The following WDR37 variants were observed in gnomAD, a reference collection of about 807,000 sequenced individuals.
The protein encoded by WDR37 is WD repeat-containing protein 37.
Under a neutral mutation model 62.9 loss-of-function variants are expected in WDR37, and 19 were observed. The ratio of observed to expected loss-of-function variants is 0.30; its 90% CI spans 0.21 to 0.44. The LOEUF is 0.44. Among genes scored for constraint, WDR37 ranks in the 20% least tolerant of loss-of-function variants. WDR37 has a pLI of 1.00. For synonymous variants in WDR37, 250 were observed against 260.9 expected (o/e 0.96, Z 0.40); for missense variants, 474 against 657.6 (o/e 0.72, Z 3.05).
At chr10:1,127,471 T>C (rs1013979733) in intron 13 of WDR37, among the ~76,000 whole-genome samples, 4 of 152,284 alleles carry the variant, frequency 2.6e-5, no homozygotes, top group African/African-American at 9.6e-5. Flanking sequence ...CTGACTTATA[T>C]TGTCCTTACT....
intron 1 of WDR37, among the ~76,000 whole-genome samples, chr10:1,057,510 A>G (rs890596205): frequency 1.3e-5 from 2 of 152,170 alleles, no homozygotes; most frequent in African/African-American, 4.8e-5. Context: ...GGAGTGACGG[A>G]TGCTGAAGTG....
At chr10:1,076,198 A>T (rs1833873347) in intron 2 of WDR37, among the ~76,000 whole-genome samples, 1 of 151,936 alleles carries the variant, frequency 6.6e-6, no homozygotes, top group Non-Finnish European at 1.5e-5. Context: ...CCAATTCAGT[A>T]GATTCAGTAT....
intron 2 of WDR37, among the ~76,000 whole-genome samples, chr10:1,076,760 C>T (rs934747956): frequency 1.3e-5 from 2 of 151,210 alleles, no homozygotes; most frequent in African/African-American, 2.4e-5. Flanking sequence ...CATTAAGTAT[C>T]AGCCAGGCAC....
chr10:1,058,794 A>ATC, intron 1 of WDR37, among the ~76,000 whole-genome samples: 2 of 152,242 alleles, frequency 1.3e-5, no homozygotes, highest in Non-Finnish European at 2.9e-5. Context: ...CCCACTAGGA[A>ATC]TTCGTCTAAC....
intron 9 of WDR37, among the ~76,000 whole-genome samples, chr10:1,100,280 C>T (rs1834748338): frequency 7.6e-6 from 1 of 131,306 alleles, no homozygotes; most frequent in Non-Finnish European, 1.8e-5. Context: ...TTGAGCTGTC[C>T]TGGGAGCACT....
At chr10:1,123,052 C>T (rs899854158) in intron 11 of WDR37, among the ~76,000 whole-genome samples, 1 of 152,132 alleles carries the variant, frequency 6.6e-6, no homozygotes, top group East Asian at 1.9e-4. Flanking sequence ...TTTTATGGTA[C>T]TTTTCATCTT....
intron 9 of WDR37, among the ~76,000 whole-genome samples, chr10:1,099,191 C>T (rs1236145400): frequency 6.6e-6 from 1 of 152,212 alleles, no homozygotes; most frequent in Non-Finnish European, 1.5e-5. Flanking sequence ...TTTATGATCA[C>T]AAAGAGGCCT....
At chr10:1,093,866 A>G (rs1368024083) in intron 8 of WDR37, among the ~76,000 whole-genome samples, 1 of 152,220 alleles carries the variant, frequency 6.6e-6, no homozygotes, top group Non-Finnish European at 1.5e-5. Context: ...AGGAAAAGAG[A>G]AAAGTAGCAC....
intron 7 of WDR37, among the ~76,000 whole-genome samples, chr10:1,089,030 C>G (rs1230592131): frequency 6.6e-6 from 1 of 152,126 alleles, no homozygotes; most frequent in Admixed American, 6.5e-5. Flanking sequence ...GGGTTTCAGG[C>G]TTTAGGGGTT....
rs1835589092 is a variant in WDR37 at position 1,121,774 on chromosome 10, G to C, written c.1104-2444G>C. Reference sequence around the variant, plus strand: ...GACCAGACATCAGGTCCTAGCGGGGGAATAAGTGTCAGCAATCCACACCGC... The same window carrying C: ...GACCAGACATCAGGTCCTAGCGGGGCAATAAGTGTCAGCAATCCACACCGC... On this transcript the variant is annotated intron_variant, in intron 11 of 13. Transcript: ENST00000263150. This position sits in a 1 kb window ranked among gnomAD's most constrained non-coding sequence, Gnocchi z 4.5. 6.6e-6 allele frequency among the ~76,000 whole-genome samples: 1 copy of C among 152,120 alleles called. No homozygotes were observed. The highest frequency in any genetic ancestry group is 6.5e-5 in the Admixed American group (1 of 15,270).
At chr10:1,084,933 G>A (rs1484493020) in intron 6 of WDR37, among the ~76,000 whole-genome samples, 2 of 152,356 alleles carry the variant, frequency 1.3e-5, no homozygotes, top group African/African-American at 4.8e-5. Context: ...TAACTTAAAT[G>A]TGTTGAGGAA....
At chr10:1,069,601 T>C (rs1422139471) in intron 1 of WDR37, among the ~76,000 whole-genome samples, 2 of 151,640 alleles carry the variant, frequency 1.3e-5, no homozygotes, top group Admixed American at 1.3e-4. Context: ...AATGACAAAA[T>C]TGTAGAGATG....
rs56220560 is a variant in WDR37, at chr10:1,092,872, C to CAAAAAAA, written c.605-560_605-554dup. ...GCAACCAGAGCAAGACCCTATCTCA[C>CAAAAAAA]AAAAAAAAAAAAAAAAAAAAAAAAA... On this transcript the variant is annotated intron_variant, in intron 7 of 13. Coordinates refer to ENST00000263150, the MANE Select transcript of WDR37 (RefSeq NM_014023.4). Among the ~76,000 whole-genome samples, 60 of 41,956 alleles carry CAAAAAAA rather than the reference C, an allele frequency of 1.4e-3. 2 individuals are homozygous for CAAAAAAA. The highest frequency in any genetic ancestry group is 2.4e-3 in the African/African-American group (28 of 11,842). The allele number at this position is 41,956 out of a possible 152,430, so 27.5% of individuals were successfully genotyped here. A position where few individuals can be genotyped will look rare whatever the true frequency, so the allele number is the denominator to read the frequency against.
intron 1 of WDR37, among the ~76,000 whole-genome samples, chr10:1,063,322 C>T (rs528870564): frequency 6.6e-6 from 1 of 152,146 alleles, no homozygotes; most frequent in South Asian, 2.1e-4. Flanking sequence ...CTACAAATCA[C>T]AGAACTTTTC....
rs913141063 is a variant in WDR37 at position 1,104,885 on chromosome 10, G to C, written c.962-241G>C. Reference sequence around the variant, plus strand: ...AATTTGCCTGACCTTCTAACTGGTAGGGTCAGAAAATGGGTTATGCACCTG... The same window carrying C: ...AATTTGCCTGACCTTCTAACTGGTACGGTCAGAAAATGGGTTATGCACCTG... On this transcript the variant is annotated intron_variant, in intron 10 of 13. Transcript: ENST00000263150. 4.6e-5 allele frequency among the ~76,000 whole-genome samples: 7 copies of C among 152,290 alleles called. No homozygotes were observed. In the East Asian group the frequency reaches 1.3e-3, roughly 29 times the overall value.
chr10:1,117,458 A>T (rs1488037649), intron 11 of WDR37, among the ~76,000 whole-genome samples: 3 of 152,198 alleles, frequency 2.0e-5, no homozygotes, highest in African/African-American at 7.2e-5. Flanking sequence ...TTCCTCATTT[A>T]AGAAGGGCTA....
Position 1,105,335 on chromosome 10 carries a change from T to A in WDR37, c.1103+68T>A. 6.5e-7 allele frequency: 1 copy of A among 1,532,684 alleles called. No individual in the cohort carries two copies. The highest frequency in any genetic ancestry group is 8.9e-7 in the Non-Finnish European group (1 of 1,126,364). The allele number at this position is 1,532,684 out of a possible 1,614,324, so 94.9% of individuals were successfully genotyped here. ...AGTTCTGTGGGTTGACATGAAAACT[T>A]AATTCTAGCCTTAATTTTCAGTATT... On this transcript the variant is annotated intron_variant, in intron 11 of 13. Transcript: ENST00000263150. The surrounding 1 kb of genome is among the most constrained non-coding windows in gnomAD (Gnocchi z 5.3).
intron 1 of WDR37, among the ~76,000 whole-genome samples, chr10:1,062,859 G>A (rs1025661352): frequency 1.3e-5 from 2 of 152,140 alleles, no homozygotes; most frequent in African/African-American, 2.4e-5. Flanking sequence ...AGGCTGAGGC[G>A]GGCAGATCAC....
In WDR37 at chr10:1,056,706, G is replaced by T. The variant is rs184187358; in HGVS notation, c.-303G>T. The T allele has an allele frequency of 2.4e-3, 367 of 152,438 alleles. 2 individuals carry two copies. Among genetic ancestry groups the T allele is most frequent in the African/African-American group, 8.4e-3 (351 of 41,592 alleles). 9.4% of individuals were successfully genotyped at this position (152,438 alleles called of 1,614,324 possible). On this transcript the variant is annotated 5_prime_UTR_variant, in exon 1 of 14. Transcript: ENST00000263150. ...CCTCGGGGCTGCGGGGCGGAAGCCGGGGCGTGACTTCCGGCGCCGCCGGGT... is the reference window on the plus strand; with the variant it reads ...CCTCGGGGCTGCGGGGCGGAAGCCGTGGCGTGACTTCCGGCGCCGCCGGGT...
Sources: gnomAD v4.1 joint callset for allele counts (sites outside exome capture counted in the v4.1 genomes callset) on GRCh38, gnomAD v4.1.1 for gene constraint, Gnocchi (gnomAD v3.1) non-coding constraint, MANE v1.5 for transcripts, NCBI Gene and HGNC (gene_info 2026-07-23, HGNC 2026-07-21) for gene names.